The following UNC80 variants were observed in gnomAD, a reference collection of about 807,000 sequenced individuals.
UNC80 encodes the protein protein unc-80 homolog.
Under a neutral mutation model 384.6 loss-of-function variants are expected in UNC80, and 164 were observed. That is an observed-to-expected ratio of 0.43 (90% CI 0.38 to 0.49). The LOEUF (loss-of-function observed/expected upper bound fraction) is 0.49. Among genes scored for constraint, UNC80 ranks in the 20% least tolerant of loss-of-function variants. The pLI, the probability that UNC80 is intolerant of heterozygous loss-of-function variation, is 0.00. For synonymous variants in UNC80, 1,486 were observed against 1,527.8 expected, an observed-to-expected ratio of 0.97 and a Z score of 0.64; for missense variants, 3,330 against 4,143.0, an observed-to-expected ratio of 0.80 and a Z score of 5.39.
At chr2:209,993,520 A>G in intron 63 of UNC80, 94 bp downstream of exon 63, 1 of 1,048,628 alleles carries the variant, frequency 9.5e-7, no homozygotes, top group Admixed American at 2.3e-5. Flanking sequence ...GATGGAGATA[A>G]GCACACCTTT....
At chr2:209,895,873 G>T (rs1340544864) in intron 27 of UNC80, among the ~76,000 whole-genome samples, 2 of 152,154 alleles carry the variant, frequency 1.3e-5, no homozygotes, top group African/African-American at 4.8e-5. Context: ...GCAAAGCCTG[G>T]TGGCTAGAGC....
intron 34 of UNC80, among the ~76,000 whole-genome samples, chr2:209,921,970 A>C (rs2090069346): frequency 6.6e-6 from 1 of 152,246 alleles, no homozygotes; most frequent in African/African-American, 2.4e-5. Flanking sequence ...AACTACTTTC[A>C]ACCTTCACAA....
intron 16 of UNC80, among the ~76,000 whole-genome samples, chr2:209,833,260 T>C (rs1290096416): frequency 7.3e-6 from 1 of 137,538 alleles, no homozygotes; most frequent in Non-Finnish European, 1.5e-5. Flanking sequence ...TGCCTTGCCA[T>C]GAACTTTTCC....
intron 49 of UNC80, 90 bp from the exon 50 acceptor site, chr2:209,959,029 G>C: frequency 1.9e-6 from 2 of 1,052,592 alleles, no homozygotes; most frequent in South Asian, 1.4e-5. Context: ...TAGCTTCAAG[G>C]GCTTTTCATA....
intron 25 of UNC80, among the ~76,000 whole-genome samples, chr2:209,884,669 T>A (rs1157612310): frequency 2.6e-5 from 4 of 152,118 alleles, no homozygotes; most frequent in Non-Finnish European, 4.4e-5. Context: ...AATAATAGAC[T>A]GGATAAAGAA....
rs188558987 is a variant in UNC80 at position 209,882,255 on chromosome 2, G to A, written c.4110+1161G>A. Among the ~76,000 whole-genome samples the A allele has an allele frequency of 2.3e-3, 345 of 152,090 alleles. 6 individuals carry two copies. Among genetic ancestry groups the A allele is most frequent in the African/African-American group, 7.7e-3 (319 of 41,500 alleles). ...TGCTAGGATTAAGGTGTGAGCCACCGCGCCTGGCCACGTTTCCTCCTTTTT... is the reference window on the plus strand; with the variant it reads ...TGCTAGGATTAAGGTGTGAGCCACCACGCCTGGCCACGTTTCCTCCTTTTT... On this transcript the variant is annotated intron_variant, in intron 25 of 64. Transcript: ENST00000673920.
intron 21 of UNC80, among the ~76,000 whole-genome samples, chr2:209,844,453 TTC>T (rs1185120784): frequency 2.5e-5 from 1 of 39,810 alleles, no homozygotes; most frequent in Admixed American, 2.4e-4. Flanking sequence ...CTCTTTTCTT[TTC>T]TTTCTTTCTT....
At position 209,993,310 on chromosome 2, in the gene UNC80, T is replaced by C. The variant is rs2093425296; in HGVS notation, c.9397-5T>C. ...TGCAAGTTTTATTCTGCCTATTCTC[T>C]TTAGCTAAGACGTCCTCTACTATCA... On this transcript the variant is annotated splice_polypyrimidine_tract_variant and splice_region_variant and intron_variant, in intron 62 of 64. Transcript: ENST00000673920. The C allele has an allele frequency of 1.9e-6, 3 of 1,551,284 alleles. No individual in the cohort carries two copies. The highest frequency in any genetic ancestry group is 2.6e-6 in the Non-Finnish European group (3 of 1,146,648).
rs554620858 is a variant in UNC80, at chr2:209,888,171, G to A, written c.4187G>A (p.Gly1396Glu). 8 of 1,551,628 alleles carry A rather than the reference G, an allele frequency of 5.2e-6. No homozygotes were observed. The East Asian group carries it at 2.0e-4, about 38-fold the overall frequency. Residue 1396 changes from glycine (G) to glutamate (E), a missense_variant, in exon 26 of 65, where the codon GGG (glycine) becomes GAG (glutamate). Coordinates refer to ENST00000673920, the MANE Select transcript of UNC80 (RefSeq NM_001371986.1). The part of the protein sequence containing the change: ...HRYERKISFA[G>E]VLDENEDSKD... Reference sequence around the variant, plus strand: ...TATGAGAGGAAGATCAGCTTTGCTGGGGTCCTGGACGAAAATGAAGACTCA... The same window carrying A: ...TATGAGAGGAAGATCAGCTTTGCTGAGGTCCTGGACGAAAATGAAGACTCA...
chr2:209,941,280 G>C lies in UNC80; in HGVS notation c.6706G>C (p.Glu2236Gln). ...LQKSLWIQLL[E>Q]EMFLGMPSEF... is the part of the protein sequence containing the mutation. ...GAAAAGCTTGTGGATCCAGCTGCTG[G>C]AGGAAATGTTCCTGGGCATGCCGAG... The change falls in exon 44 of 65, where the codon GAG becomes CAG. Residue 2236 changes from glutamate (E) to glutamine (Q), a missense_variant. This residue lies in a region of UNC80 where 1,049 missense variants were observed against 1,488.6 expected (regional missense o/e 0.70). Coordinates refer to ENST00000673920, the MANE Select transcript of UNC80 (RefSeq NM_001371986.1). 1 of 1,540,662 alleles carries C rather than the reference G, an allele frequency of 6.5e-7. No individual in the cohort carries two copies. Among genetic ancestry groups the C allele is most frequent in the Non-Finnish European group, 8.8e-7 (1 of 1,137,736 alleles).
At chr2:209,853,918 C>T (rs1034946655) in intron 22 of UNC80, among the ~76,000 whole-genome samples, 1 of 151,552 alleles carries the variant, frequency 6.6e-6, no homozygotes, top group Non-Finnish European at 1.5e-5. Context: ...TATTGAGCCT[C>T]ATAAGTAGAC....
chr2:209,881,045 T>C lies in UNC80; in HGVS notation c.4061T>C (p.Leu1354Pro). 1.9e-6 allele frequency: 3 copies of C among 1,551,804 alleles called. No homozygotes were observed. Among genetic ancestry groups the C allele is most frequent in the Non-Finnish European group, 2.6e-6 (3 of 1,147,020 alleles). Reference sequence around the variant, plus strand: ...CTTCTTCTGGAGATTACCACCTTCCTGCGAGAGACCTTTTCTTGCCTGCCC... The same window carrying C: ...CTTCTTCTGGAGATTACCACCTTCCCGCGAGAGACCTTTTCTTGCCTGCCC... Reference protein sequence around the residue: ...CQLLLEITTFLRETFSCLPRP... With the variant: ...CQLLLEITTFPRETFSCLPRP... Residue 1354 changes from leucine to proline, a missense_variant, in exon 25 of 65, where the codon CTG becomes CCG. By Grantham distance (98) the Leu-to-Pro change is moderately conservative. This residue lies in a region of UNC80 where 801 missense variants were observed against 950.8 expected (regional missense o/e 0.84). Transcript: ENST00000673920.
At chr2:209,986,191 A>C (rs2093284028) in intron 61 of UNC80, among the ~76,000 whole-genome samples, 1 of 152,212 alleles carries the variant, frequency 6.6e-6, no homozygotes, top group Non-Finnish European at 1.5e-5. Flanking sequence ...TCATTCTTTC[A>C]AAGAAAGCAG....
At chr2:209,890,845 A>C (rs1355153991) in intron 26 of UNC80, among the ~76,000 whole-genome samples, 1 of 152,256 alleles carries the variant, frequency 6.6e-6, no homozygotes, top group African/African-American at 2.4e-5. Flanking sequence ...TCTAGATTAG[A>C]ATCCACATAG....
intron 28 of UNC80, among the ~76,000 whole-genome samples, chr2:209,898,902 T>G (rs1301175401): frequency 6.6e-6 from 1 of 152,178 alleles, no homozygotes; most frequent in East Asian, 1.9e-4. Flanking sequence ...TTATTTCACT[T>G]AACATAATGA....
chr2:209,802,642 T>C (rs1360812267), intron 7 of UNC80, among the ~76,000 whole-genome samples: 1 of 152,176 alleles, frequency 6.6e-6, no homozygotes, highest in African/African-American at 2.4e-5. Flanking sequence ...TCAAAATTTG[T>C]TTTTCTGTAG....
intron 44 of UNC80, among the ~76,000 whole-genome samples, chr2:209,943,081 T>C (rs2091730912): frequency 6.6e-6 from 1 of 152,244 alleles, no homozygotes; most frequent in African/African-American, 2.4e-5. Flanking sequence ...TCCACTGTTA[T>C]AGCCAGTCTT....
Position 209,917,945 on chromosome 2 carries a change from A to G in UNC80, c.5198A>G (p.Gln1733Arg). 6.4e-7 allele frequency: 1 copy of G among 1,551,686 alleles called. No individual in the cohort carries two copies. The highest frequency in any genetic ancestry group is 8.7e-7 in the Non-Finnish European group (1 of 1,146,944). ...TGGCCCCGGATGGAGGAAGGGGCACAGCAGATTTTTAAGGTGAGGGATACT... is the reference window on the plus strand; with the variant it reads ...TGGCCCCGGATGGAGGAAGGGGCACGGCAGATTTTTAAGGTGAGGGATACT... ...QVWPRMEEGA[Q>R]QIFKIPPPSI... Residue 1733 changes from glutamine (Q) to arginine (R), a missense_variant, in exon 32 of 65, where the codon CAG (glutamine) becomes CGG (arginine). Coordinates refer to ENST00000673920, the MANE Select transcript of UNC80 (RefSeq NM_001371986.1).
intron 35 of UNC80, 66 bp from the exon 36 acceptor site, chr2:209,926,777 A>G (rs2090468373): frequency 4.6e-6 from 7 of 1,533,284 alleles, no homozygotes; most frequent in African/African-American, 1.4e-5. Context: ...CCCTATCTCA[A>G]AACAACAGTA....
Sources: gnomAD v4.1 joint callset for allele counts (sites outside exome capture counted in the v4.1 genomes callset) on GRCh38, gnomAD v4.1.1 for gene constraint, gnomAD v4.1.1 regional missense constraint, MANE v1.5 for transcripts, NCBI Gene and HGNC (gene_info 2026-07-23, HGNC 2026-07-21) for gene names.